The following RASA3 variants were observed in gnomAD, a reference collection of about 807,000 sequenced individuals.
RASA3 encodes the protein RAS p21 protein activator 3.
A neutral mutation model predicts 110.0 loss-of-function variants in RASA3; 73 were observed. The observed-to-expected ratio is 0.66, with a 90% CI of 0.55 to 0.81. The LOEUF is 0.81. Among genes scored for constraint, RASA3 ranks in the 30% least tolerant of loss-of-function variants. The probability of loss-of-function intolerance (pLI) is 0.00; values close to 1 mark genes in which losing one functional copy is unlikely to be tolerated. For synonymous variants in RASA3, 500 were observed against 451.4 expected (o/e 1.11, Z -1.37); for missense variants, 976 against 1,113.2 (o/e 0.88, Z 1.75).
At chr13:114,027,714 A>G in intron 6 of RASA3, 133 bp downstream of exon 6, 1 of 986,778 alleles carries the variant, frequency 1.0e-6, no homozygotes, top group East Asian at 2.5e-5. Context: ...AACAAAAGGA[A>G]GTAAAAATTC....
chr13:113,989,075 T>A (rs1298322399), intron 22 of RASA3, among the ~76,000 whole-genome samples: 3 of 137,020 alleles, frequency 2.2e-5, no homozygotes, highest in Admixed American at 2.2e-4. Flanking sequence ...CACTCACCCA[T>A]CTGTCAGTCC....
At chr13:114,059,916 C>T (rs534623030) in intron 2 of RASA3, among the ~76,000 whole-genome samples, 4 of 152,356 alleles carry the variant, frequency 2.6e-5, no homozygotes, top group South Asian at 2.1e-4. Context: ...CCAAAGAGCA[C>T]ACAGAACCAC....
At chr13:114,040,502 G>A (rs2054377174) in intron 4 of RASA3, among the ~76,000 whole-genome samples, 2 of 134,486 alleles carry the variant, frequency 1.5e-5, no homozygotes, top group Non-Finnish European at 3.1e-5. Flanking sequence ...GCACAAGCGG[G>A]CGAACACGCA....
intron 16 of RASA3, 103 bp from the exon 17 acceptor site, chr13:114,009,567 A>G: frequency 2.5e-6 from 2 of 789,606 alleles, no homozygotes; most frequent in African/African-American, 1.7e-5. Context: ...CTAAATGACG[A>G]TAAACAGGCA....
chr13:114,027,625 C>T (rs1043757716), intron 6 of RASA3, among the ~76,000 whole-genome samples, 164 bp from the exon 7 acceptor site: 1 of 152,148 alleles, frequency 6.6e-6, no homozygotes, highest in Non-Finnish European at 1.5e-5. Context: ...AATCAGGAAC[C>T]TTTACTCAGC....
intron 1 of RASA3, among the ~76,000 whole-genome samples, chr13:114,089,778 C>A (rs771146642): frequency 6.6e-6 from 1 of 152,146 alleles, no homozygotes; most frequent in African/African-American, 2.4e-5. Context: ...ACGATTGACG[C>A]GAGCATTTCC....
intron 3 of RASA3, among the ~76,000 whole-genome samples, chr13:114,046,827 G>A (rs1483064053): frequency 6.6e-6 from 1 of 152,220 alleles, no homozygotes; most frequent in African/African-American, 2.4e-5. Flanking sequence ...AGTCATCAAC[G>A]GAGGAAGGGT....
chr13:113,988,764 C>T (rs1021784158), intron 22 of RASA3, among the ~76,000 whole-genome samples: 1 of 124,632 alleles, frequency 8.0e-6, no homozygotes, highest in Non-Finnish European at 1.7e-5. Context: ...ACCCTTTGGT[C>T]CATGAACCTA....
At chr13:114,076,577 C>T (rs900919638) in intron 1 of RASA3, among the ~76,000 whole-genome samples, 1 of 151,402 alleles carries the variant, frequency 6.6e-6, no homozygotes. Context: ...AGGCAGCACA[C>T]GCACACACAC....
chr13:114,054,774 CCATTGTAGCAG>C (rs1479991227), intron 2 of RASA3, among the ~76,000 whole-genome samples: 1 of 152,256 alleles, frequency 6.6e-6, no homozygotes, highest in East Asian at 1.9e-4. Flanking sequence ...TCCACCGACT[CCATTGTAGCAG>C]CATCCTGGTT....
intron 22 of RASA3, 24 bp from the exon 23 acceptor site, chr13:113,981,882 G>A (rs374748682): frequency 3.4e-5 from 55 of 1,604,492 alleles, no homozygotes; most frequent in African/African-American, 2.1e-4. Flanking sequence ...AGGGGTCAGC[G>A]CAGGGCAGGA....
intron 15 of RASA3, among the ~76,000 whole-genome samples, chr13:114,012,300 G>A (rs1051218557): frequency 1.3e-5 from 2 of 151,610 alleles, no homozygotes; most frequent in East Asian, 1.9e-4. Context: ...AGGACCCAGC[G>A]CATCCACCAG....
rs1475785730 is a variant in RASA3 at position 114,014,002 on chromosome 13, CTG to C, written c.1406-756_1406-755del. The stretch of plus-strand genomic sequence containing the variant: ...GATCTCTCTCTCCATCTCTCTCCGT[CTG>C]TCTCTGTCTCTCTCCATCTCTCTCT... On this transcript the variant is annotated intron_variant, in intron 14 of 23. Coordinates refer to ENST00000334062, the MANE Select transcript of RASA3 (RefSeq NM_007368.4). The surrounding 1 kb of genome is among the most constrained non-coding windows in gnomAD (Gnocchi z 4.5). Among the ~76,000 whole-genome samples, 5 of 121,844 alleles carry C rather than the reference CTG, an allele frequency of 4.1e-5. No homozygotes were observed. The highest frequency in any genetic ancestry group is 2.8e-4 in the South Asian group (1 of 3,616). The allele number at this position is 121,844 out of a possible 152,430, so 79.9% of individuals were successfully genotyped here. A position where few individuals can be genotyped will look rare whatever the true frequency, so the allele number is the denominator to read the frequency against.
At chr13:114,013,327 G>T (rs2053682959) in intron 14 of RASA3, 79 bp from the exon 15 acceptor site, 1 of 1,024,662 alleles carries the variant, frequency 9.8e-7, no homozygotes, top group East Asian at 2.6e-5. Flanking sequence ...GGCCCCCTGA[G>T]GGTCCGCAGG....
intron 1 of RASA3, among the ~76,000 whole-genome samples, chr13:114,083,599 G>A (rs1289125253): frequency 9.4e-5 from 12 of 127,534 alleles, no homozygotes; most frequent in Admixed American, 2.4e-4. Flanking sequence ...TCGTCCTCGC[G>A]GGGAAATCAC....
chr13:114,026,926 G>C (rs892239975), intron 7 of RASA3, among the ~76,000 whole-genome samples: 1 of 152,176 alleles, frequency 6.6e-6, no homozygotes, highest in Non-Finnish European at 1.5e-5. Flanking sequence ...GAGGATCTCT[G>C]TGTCTGAATC....
At chr13:113,996,305 G>T (rs1472238196) in intron 21 of RASA3, among the ~76,000 whole-genome samples, 1 of 152,180 alleles carries the variant, frequency 6.6e-6, no homozygotes, top group Non-Finnish European at 1.5e-5. Context: ...ACCCTCGAAG[G>T]CCTGTGGCAC....
At chr13:114,017,987 C>G (rs2053830909) in intron 11 of RASA3, 117 bp downstream of exon 11, 1 of 1,181,328 alleles carries the variant, frequency 8.5e-7, no homozygotes, top group East Asian at 3.0e-5. Context: ...AACATGGTTT[C>G]TGGGGACCCT....
At chr13:114,128,395 G>A (rs1300943724) in intron 1 of RASA3, among the ~76,000 whole-genome samples, 1 of 152,254 alleles carries the variant, frequency 6.6e-6, no homozygotes, top group Non-Finnish European at 1.5e-5. Context: ...CTCCCGTGAG[G>A]GAGTCCATCA....
Sources: allele counts gnomAD v4.1 joint callset (sites outside exome capture counted in the v4.1 genomes callset), GRCh38; gene constraint gnomAD v4.1.1; non-coding constraint Gnocchi (gnomAD v3.1); transcripts MANE v1.5; gene names NCBI Gene and HGNC (gene_info 2026-07-23, HGNC 2026-07-21).